CUX1: variants seen among roughly 807,000 people sequenced by gnomAD.
CUX1 encodes the protein protein CASP.
CUX1 carries 31 observed loss-of-function variants against 158.8 expected under a neutral mutation model. That is an observed-to-expected ratio of 0.20 (90% confidence interval 0.15 to 0.26). The LOEUF (loss-of-function observed/expected upper bound fraction) is 0.26. Ranked by LOEUF, CUX1 falls within the 10% of genes least tolerant of loss-of-function variation. The probability of loss-of-function intolerance (pLI) is 1.00; values close to 1 mark genes in which losing one functional copy is unlikely to be tolerated. For missense variants in CUX1, 1,589 were observed against 2,014.6 expected (o/e 0.79, Z 4.04); for synonymous variants, 879 against 862.1 (o/e 1.02, Z -0.34).
intron 2 of CUX1, among the ~76,000 whole-genome samples, chr7:101,966,333 C>A (rs891087916): frequency 6.9e-6 from 1 of 144,974 alleles, no homozygotes; most frequent in Non-Finnish European, 1.5e-5. Context: ...GGATCCTTAT[C>A]TTTTAGAGAA....
intron 2 of CUX1, among the ~76,000 whole-genome samples, chr7:101,984,148 ATGTGTGTG>A (rs71119798): frequency 1.5e-4 from 11 of 75,318 alleles, no homozygotes; most frequent in East Asian, 5.9e-4. Flanking sequence ...ACATATATAT[ATGTGTGTG>A]TGTGTGTGTG....
chr7:102,163,931 T>C (rs1447064408), intron 9 of CUX1, among the ~76,000 whole-genome samples: 1 of 152,150 alleles, frequency 6.6e-6, no homozygotes, highest in Non-Finnish European at 1.5e-5. Flanking sequence ...GTGCTCCTGT[T>C]ATGGAGAAGT....
At chr7:101,932,069 C>T (rs1394747333) in intron 2 of CUX1, among the ~76,000 whole-genome samples, 5 of 152,258 alleles carry the variant, frequency 3.3e-5, no homozygotes, top group East Asian at 1.9e-4. Flanking sequence ...GATACAAAAT[C>T]GTCAAAATTG....
At chr7:101,884,242 A>G (rs2131584867) in intron 1 of CUX1, among the ~76,000 whole-genome samples, 1 of 152,308 alleles carries the variant, frequency 6.6e-6, no homozygotes, top group Non-Finnish European at 1.5e-5. Flanking sequence ...TTCATGGAGT[A>G]CTTGTGATGT....
intron 1 of CUX1, among the ~76,000 whole-genome samples, chr7:101,836,924 C>A (rs1344967152): frequency 6.6e-6 from 1 of 152,168 alleles, no homozygotes; most frequent in African/African-American, 2.4e-5. Flanking sequence ...AACCTGGGCC[C>A]TCGATGGCTC....
intron 8 of CUX1, among the ~76,000 whole-genome samples, chr7:102,130,441 G>A (rs1205258075): frequency 6.6e-6 from 1 of 152,158 alleles, no homozygotes; most frequent in Non-Finnish European, 1.5e-5. Flanking sequence ...ATCACTTTGG[G>A]AGGCTGAGAT....
chr7:102,230,484 CA>C (rs1249893857), intron 21 of CUX1, among the ~76,000 whole-genome samples: 4,955 of 120,836 alleles, frequency 0.041, 109 homozygotes, highest in Non-Finnish European at 0.058. Context: ...GACACTATCT[CA>C]AAAAAAAAAA....
chr7:102,278,174 G>T (rs1586532611), intron 18 of CUX1: 1 of 691,610 alleles, frequency 1.4e-6, no homozygotes, highest in South Asian at 2.1e-5. Context: ...GGGCAGCACT[G>T]GGCCCCAGAG....
intron 3 of CUX1, among the ~76,000 whole-genome samples, chr7:102,033,379 A>G (rs1288904255): frequency 6.6e-6 from 1 of 152,238 alleles, no homozygotes; most frequent in Non-Finnish European, 1.5e-5. Flanking sequence ...AAGAATAGAA[A>G]TGAATGAAAA....
chr7:102,030,689 G>GTTTTTTTTTTTTTTTTTTTTTTTTT (rs1585341128), intron 3 of CUX1, among the ~76,000 whole-genome samples: 1 of 82,540 alleles, frequency 1.2e-5, no homozygotes, highest in African/African-American at 5.3e-5. Context: ...ATTTTAAAAA[G>GTTTTTTTTTTTTTTTTTTTTTTTTT]TGTTTTTTTT....
chr7:102,051,839 A>T (rs1823545800), intron 3 of CUX1, among the ~76,000 whole-genome samples: 1 of 152,108 alleles, frequency 6.6e-6, no homozygotes, highest in African/African-American at 2.4e-5. Context: ...TTCTTTTTAC[A>T]ATTAAATGAC....
intron 2 of CUX1, among the ~76,000 whole-genome samples, chr7:101,964,129 A>T (rs1810847640): frequency 6.6e-6 from 1 of 152,078 alleles, no homozygotes; most frequent in African/African-American, 2.4e-5. Flanking sequence ...AGGCAGGTGG[A>T]TCACCTGAGG....
chr7:102,184,885 A>G (rs1406216903), intron 11 of CUX1, among the ~76,000 whole-genome samples: 1 of 152,132 alleles, frequency 6.6e-6, no homozygotes, highest in Non-Finnish European at 1.5e-5. Context: ...GGCTCAAGCA[A>G]TCCTCCTGCC....
In CUX1 at chr7:102,278,660, A is replaced by AAATAAAAAAATAAAAT. The variant is rs1586534421; in HGVS notation, c.1680+596_1680+597insATAAAAAAATAAAATA. ...AAAATAAAATAAAATAAAATAAAAA[A>AAATAAAAAAATAAAAT]ATAAAATAAAATATAAAATAAAATA... On this transcript the variant is annotated intron_variant, in intron 18 of 22. Transcript: ENST00000292538. Among the ~76,000 whole-genome samples, 4 of 82,032 alleles carry AAATAAAAAAATAAAAT rather than the reference A, an allele frequency of 4.9e-5. No homozygotes were observed. In the South Asian group the frequency reaches 1.1e-3, roughly 22 times the overall value. The allele number at this position is 82,032 out of a possible 152,430, so 53.8% of individuals were successfully genotyped here.
chr7:102,175,293 A>G (rs1792189197), intron 10 of CUX1, among the ~76,000 whole-genome samples: 1 of 152,212 alleles, frequency 6.6e-6, no homozygotes, highest in Non-Finnish European at 1.5e-5. Flanking sequence ...TGCGCCTTGT[A>G]AAACCCACAT....
intron 4 of CUX1, among the ~76,000 whole-genome samples, chr7:102,073,161 C>CTTTATTTTTTTTT (rs1826323524): frequency 2.1e-5 from 1 of 47,082 alleles, no homozygotes; most frequent in Non-Finnish European, 3.9e-5. Flanking sequence ...AATCTCTTTT[C>CTTTATTTTTTTTT]TTTCTTTTTT....
At chr7:102,200,246 G>A (rs914582230) in intron 17 of CUX1, 74 bp downstream of exon 17, 6 of 1,220,040 alleles carry the variant, frequency 4.9e-6, no homozygotes, top group Non-Finnish European at 6.8e-6. Context: ...CTGGTCAGCA[G>A]TAATTAACTA....
chr7:102,012,079 T>A (rs1818100298), intron 2 of CUX1, among the ~76,000 whole-genome samples: 1 of 152,190 alleles, frequency 6.6e-6, no homozygotes, highest in African/African-American at 2.4e-5. Flanking sequence ...CAGAAAGGAC[T>A]CTTTGAAAGG....
In CUX1 at chr7:102,253,283, T is replaced by C; in HGVS notation, c.*4241T>C. ...AGGTGGCCAGCTCTCATACCCCATC[T>C]CCCTCCTTGGCCAGGGCCAGCATCA... On this transcript the variant is annotated 3_prime_UTR_variant, in exon 24 of 24. Coordinates refer to ENST00000292535, the MANE Select transcript of CUX1 (RefSeq NM_181552.4). 1 of 985,442 alleles carries C rather than the reference T, an allele frequency of 1.0e-6. No homozygotes were observed. The highest frequency in any genetic ancestry group is 1.2e-6 in the Non-Finnish European group (1 of 830,010). 61.0% of individuals were successfully genotyped at this position (985,442 alleles called of 1,614,324 possible).
Sources: gnomAD v4.1 joint callset for allele counts (sites outside exome capture counted in the v4.1 genomes callset) on GRCh38, gnomAD v4.1.1 for gene constraint, MANE v1.5 for transcripts, NCBI Gene and HGNC (gene_info 2026-07-23, HGNC 2026-07-21) for gene names.